Variants in IL33 observed in about 807,000 individuals in gnomAD.
IL33 encodes the protein interleukin-33.
In IL33, 37 loss-of-function variants were observed where a neutral mutation model predicts 27.3. That is an observed-to-expected ratio of 1.36 (90% CI 1.04 to 1.78). The LOEUF is 1.78. Among genes scored for constraint, IL33 ranks in the 40% most tolerant of loss-of-function variants. IL33 has a pLI of 0.00. For missense variants in IL33, 406 were observed against 311.4 expected, an observed-to-expected ratio of 1.30 and a Z score of -2.29; for synonymous variants, 132 against 102.9, an observed-to-expected ratio of 1.28 and a Z score of -1.71.
At chr9:6,231,110 T>C (rs541046159) in intron 1 of IL33, among the ~76,000 whole-genome samples, 1 of 152,316 alleles carries the variant, frequency 6.6e-6, no homozygotes, top group South Asian at 2.1e-4. Context: ...TAATGCAGAC[T>C]CCTGGCTGGT....
chr9:6,254,758 A>T (rs1436457688), intron 7 of IL33, among the ~76,000 whole-genome samples: 1 of 152,114 alleles, frequency 6.6e-6, no homozygotes, highest in Non-Finnish European at 1.5e-5. Context: ...TGGCTTTGCT[A>T]TTGAAAGTCT....
At chr9:6,253,265 A>G (rs1242274268) in intron 5 of IL33, among the ~76,000 whole-genome samples, 1 of 152,196 alleles carries the variant, frequency 6.6e-6, no homozygotes, top group Non-Finnish European at 1.5e-5. Flanking sequence ...TGTATTTGCT[A>G]TCTCTAAATT....
chr9:6,226,652 T>G (rs1818646334), intron 1 of IL33, among the ~76,000 whole-genome samples: 1 of 152,268 alleles, frequency 6.6e-6, no homozygotes, highest in African/African-American at 2.4e-5. Flanking sequence ...ATATATCTTT[T>G]ATGTCTAGAT....
At chr9:6,234,509 A>C (rs536566278) in intron 1 of IL33, among the ~76,000 whole-genome samples, 1 of 152,254 alleles carries the variant, frequency 6.6e-6, no homozygotes, top group South Asian at 2.1e-4. Flanking sequence ...CGTGCCCCTA[A>C]ACTGGGAGTG....
intron 1 of IL33, among the ~76,000 whole-genome samples, chr9:6,235,648 G>C (rs543982454): frequency 6.6e-6 from 1 of 152,004 alleles, no homozygotes; most frequent in African/African-American, 2.4e-5. Context: ...TCTTAGTTTA[G>C]GTAGAGTCCT....
In IL33 at chr9:6,257,941, TAC is replaced by T. The variant is rs1816834253; in HGVS notation, c.*1775_*1776del. 2 of 140,650 alleles carry T rather than the reference TAC, an allele frequency of 1.4e-5. No individual in the cohort carries two copies. Among genetic ancestry groups the T allele is most frequent in the African/African-American group, 2.5e-5 (1 of 39,736 alleles). 8.7% of individuals were successfully genotyped at this position (140,650 alleles called of 1,614,324 possible). On this transcript the variant is annotated 3_prime_UTR_variant, in exon 8 of 8. Transcript: ENST00000682010. The stretch of plus-strand genomic sequence containing the variant: ...TTATTAAATAATCAAATATATCTAC[TAC>T]ATTGTTTATATTATTGAATAAAGTA...
At chr9:6,215,174 G>A (rs1169213228), upstream of IL33, among the ~76,000 whole-genome samples, 1 of 152,186 alleles carries the variant, frequency 6.6e-6, no homozygotes, top group African/African-American at 2.4e-5. Flanking sequence ...GATGGAGAGA[G>A]GGTGAGTAGG....
chr9:6,250,456 A>G lies in IL33; in HGVS notation c.92-18A>G, dbSNP rs372668407. The G allele has an allele frequency of 5.0e-6, 8 of 1,610,262 alleles. No homozygotes were observed. The African/African-American group carries it at 6.7e-5, about 13-fold the overall frequency. On this transcript the variant is annotated intron_variant, in intron 2 of 7. Coordinates refer to ENST00000682010, the MANE Select transcript of IL33 (RefSeq NM_033439.4). ...ATGAATGGAATGAAACAGTCTCACA[A>G]GTTTTTCAATTGTTTAGAATCCCAA... is the stretch of plus-strand genomic sequence containing the variant.
rs1816599043 is a variant in IL33 at position 6,254,378 on chromosome 9, A to G, written c.521-84A>G. The G allele has an allele frequency of 1.4e-5, 11 of 796,472 alleles. No homozygotes were observed. The East Asian group carries it at 3.0e-4, about 22-fold the overall frequency. 49.3% of individuals were successfully genotyped at this position (796,472 alleles called of 1,614,324 possible). On this transcript the variant is annotated intron_variant, in intron 6 of 7. Coordinates refer to ENST00000682010, the MANE Select transcript of IL33 (RefSeq NM_033439.4). ...GTAATTATTTTATGTAACATCTTAGACTTTTTTCCTGGGTGTTGAATTCAT... is the reference window on the plus strand; with the variant it reads ...GTAATTATTTTATGTAACATCTTAGGCTTTTTTCCTGGGTGTTGAATTCAT...
At chr9:6,228,747 T>C (rs1160851360) in intron 1 of IL33, among the ~76,000 whole-genome samples, 1 of 151,240 alleles carries the variant, frequency 6.6e-6, no homozygotes, top group Non-Finnish European at 1.5e-5. Flanking sequence ...CCTAGCTACT[T>C]GAAGACTGAG....
chr9:6,257,401 G>C lies in IL33; in HGVS notation c.*1233G>C, dbSNP rs1348076520. On this transcript the variant is annotated 3_prime_UTR_variant, in exon 8 of 8. Transcript: ENST00000682010. ...TCATTTCTGTATCACCTGACCTCTG[G>C]ATGCCAAAACGTTTATTCTGCTTTG... 6.6e-6 allele frequency: 1 copy of C among 152,506 alleles called. No individual in the cohort carries two copies. Among genetic ancestry groups the C allele is most frequent in the Non-Finnish European group, 1.5e-5 (1 of 68,016 alleles). The allele number at this position is 152,506 out of a possible 1,614,324, so 9.4% of individuals were successfully genotyped here.
At chr9:6,251,844 A>G (rs540640264) in intron 4 of IL33, among the ~76,000 whole-genome samples, 1 of 151,910 alleles carries the variant, frequency 6.6e-6, no homozygotes, top group Non-Finnish European at 1.5e-5. Flanking sequence ...GTTCAACACC[A>G]GCCTGGCCAA....
intron 2 of IL33, among the ~76,000 whole-genome samples, chr9:6,245,393 G>C (rs72689566): frequency 0.05 from 7,595 of 152,254 alleles, 288 homozygotes; most frequent in Non-Finnish European, 0.086. Context: ...CCTTTAGTTT[G>C]AGTCTATCCA....
intron 2 of IL33, among the ~76,000 whole-genome samples, chr9:6,245,835 G>A (rs917136453): frequency 6.6e-6 from 1 of 152,034 alleles, no homozygotes; most frequent in African/African-American, 2.4e-5. Flanking sequence ...GGCTGAGGCG[G>A]GCGGATCATG....
At position 6,257,819 on chromosome 9, in the gene IL33, G is replaced by A. The variant is rs998316915; in HGVS notation, c.*1651G>A. 1 of 152,002 alleles carries A rather than the reference G, an allele frequency of 6.6e-6. No individual in the cohort carries two copies. Among genetic ancestry groups the A allele is most frequent in the Non-Finnish European group, 1.5e-5 (1 of 67,972 alleles). The allele number at this position is 152,002 out of a possible 1,614,324, so 9.4% of individuals were successfully genotyped here. A position where few individuals can be genotyped will look rare whatever the true frequency, so the allele number is the denominator to read the frequency against. Reference sequence around the variant, plus strand: ...TTGTTTCATTGTTCTGTCAATAATTGTTACCAAAGAGATAAAAATAAAAGC... The same window carrying A: ...TTGTTTCATTGTTCTGTCAATAATTATTACCAAAGAGATAAAAATAAAAGC... On this transcript the variant is annotated 3_prime_UTR_variant, in exon 8 of 8. Transcript: ENST00000682010.
chr9:6,223,097 T>C (rs1474748220), intron 1 of IL33, among the ~76,000 whole-genome samples: 1 of 152,146 alleles, frequency 6.6e-6, no homozygotes, highest in Non-Finnish European at 1.5e-5. Flanking sequence ...TCCTTTGGTT[T>C]CCCCCAGAGG....
At position 6,256,003 on chromosome 9, in the gene IL33, C is replaced by T; in HGVS notation, c.648C>T (p.Ala216=). The change falls in exon 8 of 8, where the codon GCC becomes GCT. Residue 216 remains alanine, a synonymous_variant. Coordinates refer to ENST00000682010, the MANE Select transcript of IL33 (RefSeq NM_033439.4). The part of the protein sequence containing the change: ...HKCEKPLPDQ[A]FFVLHNMHSN... The stretch of plus-strand genomic sequence containing the variant: ...GTGAAAAACCACTGCCAGACCAGGC[C>T]TTCTTTGTCCTTCATAATATGCACT... The T allele has an allele frequency of 6.2e-7, 1 of 1,613,698 alleles. No homozygotes were observed. Among genetic ancestry groups the T allele is most frequent in the Non-Finnish European group, 8.5e-7 (1 of 1,179,682 alleles).
rs1230106025 is a variant in IL33 at position 6,253,603 on chromosome 9, G to A, written c.520+1G>A. On this transcript the variant is annotated splice_donor_variant, in intron 6 of 7. Coordinates refer to ENST00000682010, the MANE Select transcript of IL33 (RefSeq NM_033439.4). LOFTEE classifies it high-confidence loss of function. ...TCTCAACACCCCTCAAATGAATCAG[G>A]TAATTTGGAGGGCTGGGTAGCTGTA... The A allele has an allele frequency of 1.9e-6, 3 of 1,605,032 alleles. No homozygotes were observed. The highest frequency in any genetic ancestry group is 2.2e-5 in the South Asian group (2 of 90,228).
intron 2 of IL33, chr9:6,242,213 C>G (rs1351842686): frequency 6.6e-6 from 1 of 152,538 alleles, no homozygotes; most frequent in Non-Finnish European, 1.5e-5. Context: ...TAACTTGCGA[C>G]TACTGATGAA....
Sources: allele counts gnomAD v4.1 joint callset (sites outside exome capture counted in the v4.1 genomes callset), GRCh38; gene constraint gnomAD v4.1.1; transcripts MANE v1.5; gene names NCBI Gene and HGNC (gene_info 2026-07-23, HGNC 2026-07-21).